Variants in SUPT3H observed in about 807,000 individuals in gnomAD.
SUPT3H encodes the protein transcription initiation protein SPT3 homolog.
In SUPT3H, 44 loss-of-function variants were observed where a neutral mutation model predicts 44.3. That is an observed-to-expected ratio of 0.99 (90% CI 0.78 to 1.28). The LOEUF is 1.28. Ranked by LOEUF, SUPT3H falls within the 50% of genes most tolerant of loss-of-function variation. The pLI, the probability that SUPT3H is intolerant of heterozygous loss-of-function variation, is 0.00. For missense variants in SUPT3H, 380 were observed against 387.1 expected, an observed-to-expected ratio of 0.98 and a Z score of 0.15; for synonymous variants, 124 against 125.6, an observed-to-expected ratio of 0.99 and a Z score of 0.09.
At chr6:44,959,890 C>T (rs537962526) in intron 7 of SUPT3H, among the ~76,000 whole-genome samples, 56 of 152,204 alleles carry the variant, frequency 3.7e-4, no homozygotes, top group East Asian at 1.9e-4. Flanking sequence ...AACACTCTGA[C>T]GAGTGCAGGA....
rs889947195 is a variant in SUPT3H, at chr6:45,338,008, A to G, written c.101+27193T>C. Among the ~76,000 whole-genome samples, 91 of 152,026 alleles carry G rather than the reference A, an allele frequency of 6.0e-4. 2 individuals carry two copies. Among genetic ancestry groups the G allele is most frequent in the Admixed American group, 5.8e-3 (89 of 15,242 alleles). ...TTCATACTCTAATTACACATTAATC[A>G]TGGAACCTATAAACAAATCAAACTT... On this transcript the variant is annotated intron_variant, in intron 2 of 10. Transcript: ENST00000371459.
At chr6:45,106,781 C>A (rs999014282) in intron 2 of SUPT3H, among the ~76,000 whole-genome samples, 1 of 152,122 alleles carries the variant, frequency 6.6e-6, no homozygotes, top group Non-Finnish European at 1.5e-5. Flanking sequence ...GGTGATCCAC[C>A]CACCTTGGCC....
intron 9 of SUPT3H, among the ~76,000 whole-genome samples, chr6:44,943,506 A>C (rs947362993): frequency 6.6e-6 from 1 of 152,134 alleles, no homozygotes; most frequent in Non-Finnish European, 1.5e-5. Context: ...AAAGACATAC[A>C]CTGTCTTTGA....
At chr6:45,368,546 A>T (rs1210960011) in intron 1 of SUPT3H, among the ~76,000 whole-genome samples, 3 of 152,176 alleles carry the variant, frequency 2.0e-5, no homozygotes, top group Non-Finnish European at 4.4e-5. Flanking sequence ...GGGGGACTAA[A>T]TGACCACAGA....
intron 2 of SUPT3H, among the ~76,000 whole-genome samples, chr6:45,311,061 C>A (rs1783868682): frequency 6.6e-6 from 1 of 152,120 alleles, no homozygotes; most frequent in African/African-American, 2.4e-5. Context: ...CAATATTCAA[C>A]AAAATAGATA....
chr6:45,331,901 G>A (rs950054007), intron 2 of SUPT3H, among the ~76,000 whole-genome samples: 2 of 151,840 alleles, frequency 1.3e-5, no homozygotes, highest in African/African-American at 4.8e-5. Context: ...AGTTAAATTC[G>A]GTAAGATAGA....
At chr6:45,282,522 G>T (rs188999345) in intron 2 of SUPT3H, among the ~76,000 whole-genome samples, 1 of 152,246 alleles carries the variant, frequency 6.6e-6, no homozygotes, top group East Asian at 1.9e-4. Flanking sequence ...GAAGTGAGAA[G>T]AGAAGTTTCG....
intron 10 of SUPT3H, among the ~76,000 whole-genome samples, chr6:44,898,338 CA>C (rs1302965166): frequency 6.6e-6 from 1 of 152,202 alleles, no homozygotes; most frequent in Non-Finnish European, 1.5e-5. Flanking sequence ...CTGTGGTTCA[CA>C]CCTTGGTCTC....
At chr6:45,328,226 G>GT in intron 2 of SUPT3H, 4 of 1,251,844 alleles carry the variant, frequency 3.2e-6, no homozygotes, top group Non-Finnish European at 3.1e-6. Context: ...TTACTTAAGA[G>GT]TACTGTGAGG....
At chr6:45,086,398 A>T (rs538022089) in intron 3 of SUPT3H, among the ~76,000 whole-genome samples, 1 of 152,050 alleles carries the variant, frequency 6.6e-6, no homozygotes, top group Non-Finnish European at 1.5e-5. Context: ...GTAAACATAT[A>T]ATATCACCAA....
At chr6:44,998,164 T>C (rs908676499) in intron 6 of SUPT3H, among the ~76,000 whole-genome samples, 11 of 151,890 alleles carry the variant, frequency 7.2e-5, no homozygotes, top group African/African-American at 2.2e-4. Context: ...TTTTTTTTCT[T>C]TTCTATGCTC....
intron 2 of SUPT3H, among the ~76,000 whole-genome samples, chr6:45,209,106 T>C (rs918389074): frequency 4.6e-5 from 7 of 152,218 alleles, no homozygotes; most frequent in Non-Finnish European, 8.8e-5. Context: ...AGAAAAAAGA[T>C]TCCTTTCAAA....
intron 9 of SUPT3H, among the ~76,000 whole-genome samples, chr6:44,935,971 C>G (rs1302658609): frequency 2.6e-5 from 4 of 152,210 alleles, no homozygotes; most frequent in Admixed American, 2.6e-4. Context: ...GATCTAGAAT[C>G]TCAATCAACT....
At chr6:44,849,597 GTAAC>G (rs1223517072) in intron 10 of SUPT3H, among the ~76,000 whole-genome samples, 1 of 152,174 alleles carries the variant, frequency 6.6e-6, no homozygotes, top group Non-Finnish European at 1.5e-5. Flanking sequence ...GTCAGAAAAA[GTAAC>G]TAAGCATTTA....
At chr6:45,261,176 C>CA (rs1358486487) in intron 2 of SUPT3H, among the ~76,000 whole-genome samples, 2 of 151,668 alleles carry the variant, frequency 1.3e-5, no homozygotes, top group East Asian at 1.9e-4. Flanking sequence ...GAAATTATTC[C>CA]AAAAAAACCA....
intron 10 of SUPT3H, among the ~76,000 whole-genome samples, chr6:44,838,825 C>G (rs1022918988): frequency 6.6e-6 from 1 of 152,210 alleles, no homozygotes; most frequent in Non-Finnish European, 1.5e-5. Context: ...ATGCCTCTTC[C>G]ATGCCTTTGT....
chr6:44,940,789 A>T (rs1772280972), intron 9 of SUPT3H, among the ~76,000 whole-genome samples: 1 of 152,106 alleles, frequency 6.6e-6, no homozygotes, highest in African/African-American at 2.4e-5. Context: ...CCTCTTGCTG[A>T]ACTGATTCCT....
At chr6:45,179,331 C>G (rs942136231) in intron 2 of SUPT3H, among the ~76,000 whole-genome samples, 6 of 151,976 alleles carry the variant, frequency 3.9e-5, no homozygotes, top group African/African-American at 1.4e-4. Flanking sequence ...CCTTCTGAAA[C>G]TATTCCAATC....
intron 2 of SUPT3H, among the ~76,000 whole-genome samples, chr6:45,270,181 G>T (rs186680309): frequency 6.6e-6 from 1 of 152,118 alleles, no homozygotes; most frequent in Admixed American, 6.5e-5. Context: ...CTCCATCAAG[G>T]TCAAGACACT....
Sources: gnomAD v4.1 joint callset for allele counts (sites outside exome capture counted in the v4.1 genomes callset) on GRCh38, gnomAD v4.1.1 for gene constraint, MANE v1.5 for transcripts, NCBI Gene and HGNC (gene_info 2026-07-23, HGNC 2026-07-21) for gene names.